The following FER variants were observed in gnomAD, a reference collection of about 807,000 sequenced individuals.
FER encodes FER tyrosine kinase.
In FER, 63 loss-of-function variants were observed where a neutral mutation model predicts 111.0. That is an observed-to-expected ratio of 0.57 (90% CI 0.46 to 0.70). The LOEUF is 0.70. FER is among the 30% of genes least tolerant of loss of function. FER has a pLI of 0.00. For synonymous variants in FER, 327 were observed against 313.9 expected (o/e 1.04, Z -0.44); for missense variants, 914 against 954.0 (o/e 0.96, Z 0.55).
chr5:109,146,063 A>G (rs1205010907), intron 17 of FER, among the ~76,000 whole-genome samples: 6 of 151,016 alleles, frequency 4.0e-5, no homozygotes, highest in Admixed American at 2.7e-4. Context: ...AAAACTATAT[A>G]ATGTAGAGAT....
rs566785295 is a variant in FER, at chr5:108,844,123, T to C, written c.481+8316T>C. 6.6e-4 allele frequency among the ~76,000 whole-genome samples: 89 copies of C among 134,960 alleles called. 1 individual carries two copies. The highest frequency in any genetic ancestry group is 2.2e-3 in the African/African-American group (79 of 35,478). 88.5% of individuals were successfully genotyped at this position (134,960 alleles called of 152,430 possible). A position where few individuals can be genotyped will look rare whatever the true frequency, so the allele number is the denominator to read the frequency against. ...GTGTGTGAACATGTGTGTGAACACA[T>C]ATATGTGTGTGAACATATATGTGTG... is the stretch of plus-strand genomic sequence containing the variant. On this transcript the variant is annotated intron_variant, in intron 5 of 19. Coordinates refer to ENST00000281092, the MANE Select transcript of FER (RefSeq NM_005246.4).
At chr5:108,978,957 C>T (rs1316617596) in intron 13 of FER, among the ~76,000 whole-genome samples, 3 of 152,072 alleles carry the variant, frequency 2.0e-5, no homozygotes, top group Admixed American at 2.0e-4. Flanking sequence ...ATGCAACTAC[C>T]TGTAGGTAAG....
chr5:109,027,329 A>G (rs1768898439), intron 13 of FER, among the ~76,000 whole-genome samples: 1 of 152,188 alleles, frequency 6.6e-6, no homozygotes. Flanking sequence ...TTATTTATCA[A>G]AAACAATGAT....
At chr5:108,931,595 T>C (rs1392543921) in intron 10 of FER, among the ~76,000 whole-genome samples, 1 of 152,140 alleles carries the variant, frequency 6.6e-6, no homozygotes, top group Non-Finnish European at 1.5e-5. Context: ...AGATGTGGTA[T>C]TAAAAATAGT....
At chr5:108,750,976 T>C (rs1180684938) in intron 1 of FER, among the ~76,000 whole-genome samples, 1 of 152,176 alleles carries the variant, frequency 6.6e-6, no homozygotes, top group Admixed American at 6.5e-5. Context: ...GCGGATCACC[T>C]GAGGTCGGGA....
chr5:108,806,016 T>C (rs1274683545), intron 3 of FER, among the ~76,000 whole-genome samples: 1 of 152,126 alleles, frequency 6.6e-6, no homozygotes, highest in Non-Finnish European at 1.5e-5. Context: ...AGCCCCTCCA[T>C]CATAGGCCTG....
At chr5:109,144,136 G>A (rs1426372102) in intron 17 of FER, among the ~76,000 whole-genome samples, 1 of 152,086 alleles carries the variant, frequency 6.6e-6, no homozygotes, top group Non-Finnish European at 1.5e-5. Flanking sequence ...ATAGCTGAAG[G>A]TAGAGAGCTC....
chr5:108,828,454 G>A (rs1051142866), intron 3 of FER, among the ~76,000 whole-genome samples: 18 of 151,638 alleles, frequency 1.2e-4, no homozygotes, highest in Admixed American at 1.1e-3. Context: ...CATTTTTGTT[G>A]GTATCCTGTG....
At chr5:108,879,489 G>A (rs10052573) in intron 8 of FER, among the ~76,000 whole-genome samples, 1 of 151,512 alleles carries the variant, frequency 6.6e-6, no homozygotes, top group African/African-American at 2.4e-5. Context: ...ATTTGTATAC[G>A]AAACATGTAA....
intron 13 of FER, among the ~76,000 whole-genome samples, chr5:109,024,308 C>T (rs765601791): frequency 6.6e-6 from 1 of 152,126 alleles, no homozygotes; most frequent in Non-Finnish European, 1.5e-5. Flanking sequence ...TTCCAACAGC[C>T]CAACAAAATG....
chr5:109,164,737 GT>G (rs1756357507), intron 17 of FER, among the ~76,000 whole-genome samples: 1 of 151,960 alleles, frequency 6.6e-6, no homozygotes, highest in Non-Finnish European at 1.5e-5. Context: ...CACACCTTCT[GT>G]TTGGTAGCAT....
At chr5:108,800,907 C>A (rs961306627) in intron 3 of FER, among the ~76,000 whole-genome samples, 1 of 152,074 alleles carries the variant, frequency 6.6e-6, no homozygotes, top group African/African-American at 2.4e-5. Flanking sequence ...ATTAGCCGGG[C>A]GTGGTGGCGA....
intron 17 of FER, among the ~76,000 whole-genome samples, chr5:109,171,638 T>C (rs1177721102): frequency 6.6e-6 from 1 of 152,216 alleles, no homozygotes; most frequent in African/African-American, 2.4e-5. Context: ...TTATGTTATT[T>C]GTCACTCAGG....
Position 108,941,542 on chromosome 5 carries a change from A to T in FER, c.1237-4588A>T, listed in dbSNP as rs774919306. ...TAAGGTATTCCTTGTCTCACAGTTTATTAGTTTAAGTCAAGTAGAAAAATT... is the reference window on the plus strand; with the variant it reads ...TAAGGTATTCCTTGTCTCACAGTTTTTTAGTTTAAGTCAAGTAGAAAAATT... On this transcript the variant is annotated intron_variant, in intron 10 of 19. Coordinates refer to ENST00000281092, the MANE Select transcript of FER (RefSeq NM_005246.4). Among the ~76,000 whole-genome samples the T allele has an allele frequency of 1.2e-3, 177 of 152,314 alleles. 1 individual carries two copies. The highest frequency in any genetic ancestry group is 2.3e-3 in the Non-Finnish European group (155 of 68,028).
At chr5:108,754,321 T>A (rs939350924) in intron 1 of FER, among the ~76,000 whole-genome samples, 2 of 150,638 alleles carry the variant, frequency 1.3e-5, no homozygotes, top group Non-Finnish European at 2.9e-5. Context: ...GCAGGAGGAT[T>A]CCTTGAGCCC....
intron 14 of FER, among the ~76,000 whole-genome samples, chr5:109,038,536 T>A (rs976241462): frequency 1.3e-5 from 2 of 151,966 alleles, no homozygotes; most frequent in Non-Finnish European, 1.5e-5. Context: ...AAAATACTTT[T>A]CCCAAAGCAT....
At chr5:109,168,397 T>C (rs746056299) in intron 17 of FER, among the ~76,000 whole-genome samples, 4 of 152,078 alleles carry the variant, frequency 2.6e-5, no homozygotes, top group Non-Finnish European at 5.9e-5. Flanking sequence ...GTTGGGACTT[T>C]TGTCTCCATC....
intron 16 of FER, among the ~76,000 whole-genome samples, chr5:109,058,716 C>G (rs1046652314): frequency 1.1e-5 from 1 of 94,946 alleles, no homozygotes; most frequent in African/African-American, 4.4e-5. Flanking sequence ...CTTTTTCTTT[C>G]TTTCTTTCTT....
At chr5:108,951,207 T>G (rs1757693051) in intron 11 of FER, among the ~76,000 whole-genome samples, 1 of 152,042 alleles carries the variant, frequency 6.6e-6, no homozygotes, top group African/African-American at 2.4e-5. Flanking sequence ...GAGGTTGCAG[T>G]GAGCGGAGAT....
Sources: gnomAD v4.1 joint callset for allele counts (sites outside exome capture counted in the v4.1 genomes callset) on GRCh38, gnomAD v4.1.1 for gene constraint, MANE v1.5 for transcripts, NCBI Gene and HGNC (gene_info 2026-07-23, HGNC 2026-07-21) for gene names.